GIPR: variants seen among roughly 807,000 people sequenced by gnomAD.
The protein encoded by GIPR is GIP-R.
Under a neutral mutation model 62.2 loss-of-function variants are expected in GIPR, and 74 were observed. The observed-to-expected ratio is 1.19, with a 90% CI of 0.99 to 1.44. GIPR has a LOEUF of 1.44. GIPR is among the 40% of genes most tolerant of loss of function. GIPR has a pLI of 0.00. For missense variants in GIPR, 664 were observed against 611.8 expected, an observed-to-expected ratio of 1.09 and a Z score of -0.90; for synonymous variants, 256 against 262.2, an observed-to-expected ratio of 0.98 and a Z score of 0.23.
chr19:45,681,367 C>A (rs1488753789), intron 12 of GIPR, among the ~76,000 whole-genome samples: 5 of 151,966 alleles, frequency 3.3e-5, no homozygotes, highest in Non-Finnish European at 7.4e-5. Flanking sequence ...TGGTGGAGGG[C>A]GCCTGTAATC....
At chr19:45,672,465 C>T (rs1230615871) in intron 4 of GIPR, among the ~76,000 whole-genome samples, 1 of 152,138 alleles carries the variant, frequency 6.6e-6, no homozygotes, top group South Asian at 2.1e-4. Context: ...CGCCACCACA[C>T]CCAGCTAATT....
In GIPR at chr19:45,681,655, G is replaced by C. The variant is rs1192411399; in HGVS notation, c.1194+10G>C. 6.2e-7 allele frequency: 1 copy of C among 1,613,674 alleles called. No homozygotes were observed. The highest frequency in any genetic ancestry group is 1.1e-5 in the South Asian group (1 of 91,086). On this transcript the variant is annotated intron_variant, in intron 13 of 13. Coordinates refer to ENST00000590918, the MANE Select transcript of GIPR (RefSeq NM_000164.4). ...CTTCATCAACAAGGAGGTAGGCAGA[G>C]ACCCGGCCGCCGCCCCCGCCCTCTG...
chr19:45,670,434 C>T, intron 2 of GIPR: 1 of 464,142 alleles, frequency 2.2e-6, no homozygotes. Context: ...TGAAGGTTTT[C>T]AGTCTCCCAT....
Position 45,674,813 on chromosome 19 carries a change from C to G in GIPR, c.620C>G (p.Ala207Gly), listed in dbSNP as rs1800436. 34 of 1,613,832 alleles carry G rather than the reference C, an allele frequency of 2.1e-5. No homozygotes were observed. The East Asian group carries it at 4.0e-4, about 19-fold the overall frequency. The change falls in exon 7 of 14, where the codon GCG (alanine) becomes GGG (glycine). Residue 207 changes from alanine (A) to glycine (G), a missense_variant. By Grantham distance (60) the Ala-to-Gly change is moderately conservative (BLOSUM62 0). Coordinates refer to ENST00000590918, the MANE Select transcript of GIPR (RefSeq NM_000164.4). ...PGPYLGDQAL[A>G]LWNQALAACR... ...CCCTACCTTGGGGACCAGGCCCTTGCGCTGTGGAACCAGGTGGGCATCCTC... is the reference window on the plus strand; with the variant it reads ...CCCTACCTTGGGGACCAGGCCCTTGGGCTGTGGAACCAGGTGGGCATCCTC...
rs1568515736 is a variant in GIPR, at chr19:45,669,534, C to G, written c.14C>G (p.Pro5Arg). The G allele has an allele frequency of 6.3e-7, 1 of 1,578,246 alleles. No individual in the cohort carries two copies. Among genetic ancestry groups the G allele is most frequent in the Admixed American group, 1.8e-5 (1 of 54,942 alleles). Reference sequence around the variant, plus strand: ...GCCGCCCTCACGATGACTACCTCTCCGATCCTGCAGCTGCTGCTGCGGCTC... The same window carrying G: ...GCCGCCCTCACGATGACTACCTCTCGGATCCTGCAGCTGCTGCTGCGGCTC... The part of the protein sequence containing the change: MTTS[P>R]ILQLLLRLSL... The change falls in exon 2 of 14, where the codon CCG becomes CGG. Residue 5 changes from proline to arginine, a missense_variant. Physicochemically the swap from Pro to Arg is moderately radical, Grantham distance 103. Coordinates refer to ENST00000590918, the MANE Select transcript of GIPR (RefSeq NM_000164.4).
intron 12 of GIPR, among the ~76,000 whole-genome samples, chr19:45,680,228 G>A (rs1803764012): frequency 6.6e-6 from 1 of 152,206 alleles, no homozygotes; most frequent in Non-Finnish European, 1.5e-5. Flanking sequence ...GAGGCTAGGT[G>A]GCACGTGCCT....
chr19:45,676,812 A>G, intron 7 of GIPR, 137 bp from the exon 8 acceptor site: 1 of 777,436 alleles, frequency 1.3e-6, no homozygotes, highest in South Asian at 1.4e-5. Flanking sequence ...CCAATCACAG[A>G]TACCATTCAC....
rs1474848963 is a variant in GIPR at position 45,671,359 on chromosome 19, TCCTG to T, written c.250_253del (p.Cys84ProfsTer70). Reference sequence around the variant, plus strand: ...TGCACCCAATGCCACTGCCCGTGCGTCCTGCCCCTGGTACCTGCCCTGGCACCAC... The same window carrying T: ...TGCACCCAATGCCACTGCCCGTGCGTCCCCTGGTACCTGCCCTGGCACCAC... On this transcript the variant is annotated frameshift_variant, in exon 4 of 14. Coordinates refer to ENST00000590918, the MANE Select transcript of GIPR (RefSeq NM_000164.4). LOFTEE classifies it high-confidence loss of function. The T allele has an allele frequency of 2.5e-6, 4 of 1,611,710 alleles. No homozygotes were observed. The highest frequency in any genetic ancestry group is 3.4e-6 in the Non-Finnish European group (4 of 1,179,392).
chr19:45,669,847 G>C, intron 2 of GIPR, among the ~76,000 whole-genome samples: 1 of 151,314 alleles, frequency 6.6e-6, no homozygotes, highest in East Asian at 2.0e-4. Context: ...TACTCGGAAG[G>C]CTGAGGCAGG....
chr19:45,681,872 G>T lies in GIPR; in HGVS notation c.1338G>T (p.Leu446Phe). The change falls in exon 14 of 14, where the codon TTG becomes TTT. Residue 446 changes from leucine (L) to phenylalanine (F), a missense_variant. Transcript: ENST00000590918. Reference sequence around the variant, plus strand: ...GCGAGGTCCCCACCAGCCGCGGCTTGTCCTCGGGGACCCTCCCAGGGCCTG... The same window carrying T: ...GCGAGGTCCCCACCAGCCGCGGCTTTTCCTCGGGGACCCTCCCAGGGCCTG... Reference protein sequence around the residue: ...GPGEVPTSRGLSSGTLPGPGN... With the variant: ...GPGEVPTSRGFSSGTLPGPGN... 2 of 1,555,424 alleles carry T rather than the reference G, an allele frequency of 1.3e-6. No homozygotes were observed. Among genetic ancestry groups the T allele is most frequent in the Non-Finnish European group, 1.7e-6 (2 of 1,149,080 alleles).
intron 2 of GIPR, chr19:45,670,425 G>T: frequency 4.4e-6 from 2 of 451,732 alleles, no homozygotes; most frequent in East Asian, 3.5e-5. Flanking sequence ...CAATTTTCTT[G>T]AAGGTTTTCA....
chr19:45,668,812 C>G (rs988856548), intron 1 of GIPR, among the ~76,000 whole-genome samples: 1 of 152,232 alleles, frequency 6.6e-6, no homozygotes, highest in East Asian at 1.9e-4. Flanking sequence ...TGTCGCTTCT[C>G]TAGTCCCTAA....
chr19:45,671,506 C>T (rs1247954900), intron 4 of GIPR, 114 bp downstream of exon 4: 1 of 732,368 alleles, frequency 1.4e-6, no homozygotes, highest in Non-Finnish European at 2.5e-6. Context: ...TCCTGCTCCT[C>T]TTTGCCCCCT....
In GIPR at chr19:45,677,934, T is replaced by G. The variant is rs781700423; in HGVS notation, c.953T>G (p.Leu318Arg). Residue 318 changes from leucine (L) to arginine (R), a missense_variant, in exon 11 of 14, where the codon CTT (leucine) becomes CGT (arginine). By Grantham distance (102) the Leu-to-Arg change is moderately radical (BLOSUM62 -2). Transcript: ENST00000590918. ...LINFLIFIRILGILLSKLRTR... is the reference protein window; with the variant it reads ...LINFLIFIRIRGILLSKLRTR... ...AATTTCCTCATTTTTATCCGCATTC[T>G]TGGCATTCTCCTGTCCAAGCTGAGG... 8.1e-6 allele frequency: 13 copies of G among 1,613,994 alleles called. No individual in the cohort carries two copies. In the East Asian group the frequency reaches 2.9e-4, roughly 36 times the overall value.
chr19:45,674,468 A>T, intron 6 of GIPR: 2 of 631,352 alleles, frequency 3.2e-6, no homozygotes, highest in South Asian at 3.7e-5. Flanking sequence ...AGCTAGGCAT[A>T]CTGGTGGTGC....
At chr19:45,679,231 G>A (rs1967106224) in intron 12 of GIPR, among the ~76,000 whole-genome samples, 1 of 152,096 alleles carries the variant, frequency 6.6e-6, no homozygotes, top group Middle Eastern at 3.2e-3. Flanking sequence ...TGTAATCCCA[G>A]CATTTTGGGA....
Position 45,671,396 on chromosome 19 carries a change from A to AGGT in GIPR, c.280+6_280+8dup. 6.3e-7 allele frequency: 1 copy of AGGT among 1,576,090 alleles called. No individual in the cohort carries two copies. ...TACCTGCCCTGGCACCACCATGGTG[A>AGGT]GGTGCTCCCTGGGCCCGGAGCCCTC... On this transcript the variant is annotated splice_donor_region_variant and intron_variant, in intron 4 of 13. Transcript: ENST00000590918.
In GIPR at chr19:45,674,743, G is replaced by A; in HGVS notation, c.550G>A (p.Ala184Thr). ...CCTGTTCACGTCTTTCATGCTGCGAGCTGCGGCCATTCTCAGCCGAGACCG... is the reference window on the plus strand; with the variant it reads ...CCTGTTCACGTCTTTCATGCTGCGAACTGCGGCCATTCTCAGCCGAGACCG... ...INLFTSFMLR[A>T]AAILSRDRLL... The change falls in exon 7 of 14, where the codon GCT becomes ACT. Residue 184 changes from alanine (A) to threonine (T), a missense_variant. Transcript: ENST00000590918. 1 of 1,613,940 alleles carries A rather than the reference G, an allele frequency of 6.2e-7. No homozygotes were observed. The highest frequency in any genetic ancestry group is 1.7e-5 in the Admixed American group (1 of 59,990).
chr19:45,677,228 C>T (rs1218176419), intron 8 of GIPR, 95 bp from the exon 9 acceptor site: 3 of 1,377,198 alleles, frequency 2.2e-6, no homozygotes, highest in African/African-American at 2.8e-5. Flanking sequence ...TTCCCCACCC[C>T]GACAGAGGAA....
Sources: allele counts gnomAD v4.1 joint callset (sites outside exome capture counted in the v4.1 genomes callset), GRCh38; gene constraint gnomAD v4.1.1; transcripts MANE v1.5; gene names NCBI Gene and HGNC (gene_info 2026-07-23, HGNC 2026-07-21).